The following ADAM23 variants were observed in gnomAD, a reference collection of about 807,000 sequenced individuals.
The protein encoded by ADAM23 is ADAM metallopeptidase domain 23, also known as disintegrin and metalloproteinase domain-containing protein 23.
Under a neutral mutation model 120.1 loss-of-function variants are expected in ADAM23, and 33 were observed. The ratio of observed to expected loss-of-function variants is 0.27; its 90% CI spans 0.21 to 0.37. The LOEUF (loss-of-function observed/expected upper bound fraction) is 0.37. Among genes scored for constraint, ADAM23 ranks in the 10% least tolerant of loss-of-function variants. The probability of loss-of-function intolerance (pLI) is 1.00; values close to 1 mark genes in which losing one functional copy is unlikely to be tolerated. For missense variants in ADAM23, 862 were observed against 1,058.2 expected, an observed-to-expected ratio of 0.81 and a Z score of 2.57; for synonymous variants, 367 against 375.2, an observed-to-expected ratio of 0.98 and a Z score of 0.25.
At chr2:206,452,598 GGAGTTTGAGA>G (rs1255954191) in intron 2 of ADAM23, among the ~76,000 whole-genome samples, 1 of 152,082 alleles carries the variant, frequency 6.6e-6, no homozygotes, top group Non-Finnish European at 1.5e-5. Context: ...CTTAAGGCTA[GGAGTTTGAGA>G]GCAACTCAGG....
rs113402729 is a variant in ADAM23, at chr2:206,443,549, C to G, written c.-318C>G. ...GCCTCAGCATCCTCAGGCCCGGCGG[C>G]AGCCCCCGCAGTCGCTGAAGCGGCC... On this transcript the variant is annotated 5_prime_UTR_variant, in exon 1 of 26. Coordinates refer to ENST00000264377, the MANE Select transcript of ADAM23 (RefSeq NM_003812.4). 1 of 129,708 alleles carries G rather than the reference C, an allele frequency of 7.7e-6. No individual in the cohort carries two copies. The highest frequency in any genetic ancestry group is 2.4e-4 in the South Asian group (1 of 4,206). The allele number at this position is 129,708 out of a possible 1,614,324, so 8.0% of individuals were successfully genotyped here.
chr2:206,546,432 A>C (rs993353391), intron 6 of ADAM23, among the ~76,000 whole-genome samples: 2 of 152,214 alleles, frequency 1.3e-5, no homozygotes, highest in Non-Finnish European at 2.9e-5. Context: ...AATTCATGTT[A>C]TCTCTCAAGT....
intron 3 of ADAM23, among the ~76,000 whole-genome samples, chr2:206,524,508 C>T (rs1251303667): frequency 6.6e-6 from 1 of 152,152 alleles, no homozygotes; most frequent in Admixed American, 6.5e-5. Flanking sequence ...TTTCACTCTG[C>T]TAATAAAGAC....
chr2:206,453,482 G>A (rs1695237250), intron 2 of ADAM23, among the ~76,000 whole-genome samples: 1 of 152,092 alleles, frequency 6.6e-6, no homozygotes, highest in Non-Finnish European at 1.5e-5. Flanking sequence ...CAATTGATAT[G>A]GGCACCCTTT....
chr2:206,521,744 C>T (rs1696847967), intron 3 of ADAM23, among the ~76,000 whole-genome samples: 1 of 152,172 alleles, frequency 6.6e-6, no homozygotes, highest in Non-Finnish European at 1.5e-5. Context: ...CTGCTCTCAC[C>T]TACATCATGC....
chr2:206,585,612 G>A (rs913913479), intron 18 of ADAM23, among the ~76,000 whole-genome samples: 16 of 152,146 alleles, frequency 1.1e-4, no homozygotes, highest in African/African-American at 3.4e-4. Flanking sequence ...AGTCGTATCT[G>A]GTTATTGAGT....
chr2:206,589,234 A>G (rs1698382303), intron 20 of ADAM23, among the ~76,000 whole-genome samples, 175 bp from the exon 21 acceptor site: 1 of 152,206 alleles, frequency 6.6e-6, no homozygotes. Flanking sequence ...TATCACATTG[A>G]GTGTGAAATC....
intron 1 of ADAM23, 144 bp downstream of exon 1, chr2:206,444,224 T>G: frequency 1.7e-6 from 1 of 578,106 alleles, no homozygotes. Flanking sequence ...ACCCTTCTCG[T>G]TCCCAAACCC....
chr2:206,540,230 C>T, intron 4 of ADAM23, among the ~76,000 whole-genome samples: 1 of 137,640 alleles, frequency 7.3e-6, no homozygotes. Context: ...CACACACACA[C>T]ACACACACAC....
At chr2:206,560,553 A>T (rs1234675323) in intron 11 of ADAM23, among the ~76,000 whole-genome samples, 3 of 152,162 alleles carry the variant, frequency 2.0e-5, no homozygotes, top group Non-Finnish European at 4.4e-5. Context: ...GCTACAAGAG[A>T]GGCTAGCAAA....
intron 21 of ADAM23, 54 bp downstream of exon 21, chr2:206,589,568 C>A: frequency 6.9e-7 from 1 of 1,448,808 alleles, no homozygotes; most frequent in Non-Finnish European, 9.4e-7. Context: ...CCTTCTTATG[C>A]AAGTGCAAAA....
chr2:206,608,040 T>C, intron 24 of ADAM23: 1 of 414,520 alleles, frequency 2.4e-6, no homozygotes, highest in Non-Finnish European at 4.7e-6. Flanking sequence ...TAATATTTGT[T>C]TTGAAATTTG....
chr2:206,500,672 A>AGG (rs1174200429), intron 3 of ADAM23, among the ~76,000 whole-genome samples: 1 of 152,126 alleles, frequency 6.6e-6, no homozygotes, highest in East Asian at 1.9e-4. Flanking sequence ...AGGGACCTCC[A>AGG]GGAACCTGAG....
At chr2:206,574,080 A>T (rs966439823) in intron 18 of ADAM23, among the ~76,000 whole-genome samples, 1 of 152,176 alleles carries the variant, frequency 6.6e-6, no homozygotes, top group Non-Finnish European at 1.5e-5. Flanking sequence ...ATTTCTTGTT[A>T]TGAATGCACA....
chr2:206,592,560 A>G, intron 21 of ADAM23, 57 bp from the exon 22 acceptor site: 2 of 1,569,246 alleles, frequency 1.3e-6, no homozygotes, highest in Non-Finnish European at 1.7e-6. Flanking sequence ...AATCGTTTTG[A>G]TTTTTTGAGC....
At chr2:206,610,106 C>A in intron 25 of ADAM23, 106 bp downstream of exon 25, 2 of 953,590 alleles carry the variant, frequency 2.1e-6, no homozygotes, top group Admixed American at 4.0e-5. Flanking sequence ...TTCTGTCAGT[C>A]AAACTGCAAA....
chr2:206,467,052 T>C (rs760106425), intron 2 of ADAM23, among the ~76,000 whole-genome samples: 3 of 152,196 alleles, frequency 2.0e-5, no homozygotes, highest in Non-Finnish European at 4.4e-5. Flanking sequence ...ACCGCTTGCG[T>C]GATCAAATCA....
intron 13 of ADAM23, among the ~76,000 whole-genome samples, chr2:206,562,988 G>A (rs942346930): frequency 2.0e-5 from 3 of 152,140 alleles, no homozygotes; most frequent in Non-Finnish European, 4.4e-5. Context: ...AGGGTCTAGG[G>A]CTCACAGTAA....
intron 2 of ADAM23, among the ~76,000 whole-genome samples, chr2:206,446,150 A>G (rs1412553308): frequency 6.6e-6 from 1 of 152,144 alleles, no homozygotes; most frequent in Non-Finnish European, 1.5e-5. Flanking sequence ...TTCAGTACCT[A>G]CTCTGCATTG....
Sources: gnomAD v4.1 joint callset for allele counts (sites outside exome capture counted in the v4.1 genomes callset) on GRCh38, gnomAD v4.1.1 for gene constraint, MANE v1.5 for transcripts, NCBI Gene and HGNC (gene_info 2026-07-23, HGNC 2026-07-21) for gene names.